Variants in DACH2 observed in about 807,000 individuals in gnomAD.
The protein encoded by DACH2 is dachshund family transcription factor 2.
DACH2 carries 17 observed loss-of-function variants against 35.8 expected under a neutral mutation model. The ratio of observed to expected loss-of-function variants is 0.48; its 90% CI spans 0.33 to 0.71. The LOEUF (loss-of-function observed/expected upper bound fraction) is 0.71. Ranked by LOEUF, DACH2 falls within the 30% of genes least tolerant of loss-of-function variation. The pLI is 0.02. For missense variants in DACH2, 469 were observed against 472.7 expected (o/e 0.99, Z 0.07); for synonymous variants, 195 against 177.3 (o/e 1.10, Z -0.79).
intron 7 of DACH2, among the ~76,000 whole-genome samples, chrX:86,797,059 A>G (rs1026894249): frequency 1.8e-5 from 2 of 111,481 alleles, no homozygotes; most frequent in Non-Finnish European, 3.8e-5. Context: ...AAAACATTTT[A>G]TTGTACTGTA....
chrX:86,644,919 T>C (rs1238303104), intron 3 of DACH2, among the ~76,000 whole-genome samples: 1 of 109,140 alleles, frequency 9.2e-6, no homozygotes, highest in East Asian at 2.9e-4. Flanking sequence ...ATTAACTCAA[T>C]ATGGATTAAT....
intron 2 of DACH2, among the ~76,000 whole-genome samples, chrX:86,401,407 C>G (rs2036427287): frequency 1.8e-5 from 2 of 112,114 alleles, no homozygotes; most frequent in South Asian, 7.5e-4. Context: ...GTCCGGCACT[C>G]CCCAGTGAGA....
At chrX:86,689,449 C>CAA (rs75182984) in intron 4 of DACH2, among the ~76,000 whole-genome samples, 11 of 109,167 alleles carry the variant, frequency 1.0e-4, no homozygotes, top group African/African-American at 1.3e-4. Flanking sequence ...TTATTATTTA[C>CAA]AAAAAATGAA....
At chrX:86,201,494 T>C (rs2032155601) in intron 1 of DACH2, among the ~76,000 whole-genome samples, 1 of 111,567 alleles carries the variant, frequency 9.0e-6, no homozygotes, top group Admixed American at 9.6e-5. Flanking sequence ...AAAATCAATT[T>C]TCTCAGTTGT....
intron 3 of DACH2, among the ~76,000 whole-genome samples, chrX:86,634,949 G>C (rs2040244147): frequency 9.0e-6 from 1 of 111,068 alleles, no homozygotes; most frequent in Non-Finnish European, 1.9e-5. Context: ...AGAAGAGCTG[G>C]TACCATGCCC....
chrX:86,408,209 C>A lies in DACH2; in HGVS notation c.527+31347C>A, dbSNP rs2036555642. 2.7e-5 allele frequency among the ~76,000 whole-genome samples: 3 copies of A among 111,689 alleles called. No homozygotes were observed. The Admixed American group carries it at 2.9e-4, about 11-fold the overall frequency. On this transcript the variant is annotated intron_variant, in intron 2 of 11. Coordinates refer to ENST00000373125, the MANE Select transcript of DACH2 (RefSeq NM_053281.3). ...TGGTACCATTTGAATACAGTATAACCAGATTTGCTAATGTGTGACAGGAAA... is the reference window on the plus strand; with the variant it reads ...TGGTACCATTTGAATACAGTATAACAAGATTTGCTAATGTGTGACAGGAAA...
At chrX:86,809,899 A>C (rs66515656) in intron 7 of DACH2, among the ~76,000 whole-genome samples, 24,748 of 110,199 alleles carry the variant, frequency 0.22, 2,139 homozygotes, top group East Asian at 0.48. Flanking sequence ...TGCTGTCTCT[A>C]TGTGTCTCTC....
intron 1 of DACH2, among the ~76,000 whole-genome samples, chrX:86,260,127 T>C (rs62593922): frequency 0.33 from 35,664 of 109,468 alleles, 4,754 homozygotes; most frequent in African/African-American, 0.49. Flanking sequence ...ATATCAAACA[T>C]ATGATTAATT....
intron 2 of DACH2, among the ~76,000 whole-genome samples, chrX:86,410,674 A>T (rs1451221874): frequency 9.0e-6 from 1 of 110,911 alleles, no homozygotes. Flanking sequence ...ATTTTCTGCC[A>T]TTACCCTGAT....
At chrX:86,486,890 G>T (rs1404331081) in intron 2 of DACH2, among the ~76,000 whole-genome samples, 1 of 111,587 alleles carries the variant, frequency 9.0e-6, no homozygotes, top group Non-Finnish European at 1.9e-5. Flanking sequence ...TAATTTACCA[G>T]TATTTTTCTT....
At chrX:86,327,009 C>A (rs1438767021) in intron 1 of DACH2, among the ~76,000 whole-genome samples, 2 of 111,746 alleles carry the variant, frequency 1.8e-5, no homozygotes, top group Non-Finnish European at 3.8e-5. Flanking sequence ...GTGTACCAGG[C>A]ACCATCATAG....
intron 1 of DACH2, among the ~76,000 whole-genome samples, chrX:86,201,578 C>T (rs1180184416): frequency 9.0e-6 from 1 of 111,024 alleles, no homozygotes; most frequent in Admixed American, 9.6e-5. Context: ...GAGTAGCCAT[C>T]AGATATTTAA....
chrX:86,784,812 T>C (rs2042121774), intron 7 of DACH2, among the ~76,000 whole-genome samples: 1 of 111,483 alleles, frequency 9.0e-6, no homozygotes, highest in African/African-American at 3.3e-5. Flanking sequence ...AGTAATGAGA[T>C]CATATTCTTT....
At chrX:86,387,416 G>A (rs750972540) in intron 2 of DACH2, among the ~76,000 whole-genome samples, 1 of 111,402 alleles carries the variant, frequency 9.0e-6, no homozygotes, top group Non-Finnish European at 1.9e-5. Context: ...ATGCACTTTA[G>A]GAAATGCCAT....
At chrX:86,446,186 T>C (rs1047777096) in intron 2 of DACH2, among the ~76,000 whole-genome samples, 1 of 111,145 alleles carries the variant, frequency 9.0e-6, no homozygotes, top group African/African-American at 3.3e-5. Flanking sequence ...TTTGGTTTCT[T>C]TTTGTGTGGA....
intron 6 of DACH2, among the ~76,000 whole-genome samples, chrX:86,723,871 C>A (rs768573749): frequency 9.2e-6 from 1 of 108,787 alleles, no homozygotes; most frequent in Non-Finnish European, 1.9e-5. Context: ...ATCAATAGCA[C>A]TTGAGTTGTC....
intron 2 of DACH2, among the ~76,000 whole-genome samples, chrX:86,446,196 A>T (rs988485577): frequency 3.7e-5 from 4 of 109,127 alleles, no homozygotes; most frequent in African/African-American, 1.3e-4. Flanking sequence ...TTTTGTGTGG[A>T]ATGTCTTTTT....
intron 3 of DACH2, among the ~76,000 whole-genome samples, chrX:86,553,695 A>G (rs907438919): frequency 2.7e-5 from 3 of 111,994 alleles, no homozygotes; most frequent in Non-Finnish European, 3.8e-5. Context: ...GTATGTAGAT[A>G]TGTTTAGAAA....
intron 1 of DACH2, among the ~76,000 whole-genome samples, chrX:86,374,792 T>A (rs1335534417): frequency 9.0e-6 from 1 of 110,576 alleles, no homozygotes. Context: ...TGCAAAACAT[T>A]TTGGGCCAAC....
Sources: allele counts gnomAD v4.1 joint callset (sites outside exome capture counted in the v4.1 genomes callset), GRCh38; gene constraint gnomAD v4.1.1; transcripts MANE v1.5; gene names NCBI Gene and HGNC (gene_info 2026-07-23, HGNC 2026-07-21).